MLLT6: variants seen among roughly 807,000 people sequenced by gnomAD.
MLLT6 encodes the protein protein AF-17.
In MLLT6, 22 loss-of-function variants were observed where a neutral mutation model predicts 103.0. That is an observed-to-expected ratio of 0.21 (90% CI 0.15 to 0.31). MLLT6 has a LOEUF of 0.31. Ranked by LOEUF, MLLT6 falls within the 10% of genes least tolerant of loss-of-function variation. MLLT6 has a pLI of 1.00. For synonymous variants in MLLT6, 606 were observed against 623.5 expected (o/e 0.97, Z 0.42); for missense variants, 1,199 against 1,441.7 (o/e 0.83, Z 2.73).
chr17:38,722,832 G>A (rs1905837522), intron 18 of MLLT6, 64 bp downstream of exon 18: 1 of 1,243,016 alleles, frequency 8.0e-7, no homozygotes, highest in African/African-American at 1.5e-5. Flanking sequence ...ACATCTCAGA[G>A]GATCAGGGCC....
At position 38,716,292 on chromosome 17, in the gene MLLT6, C is replaced by CTA; in HGVS notation, c.1037-75_1037-74insTA. The CTA allele has an allele frequency of 6.8e-7, 1 of 1,476,590 alleles. No individual in the cohort carries two copies. The highest frequency in any genetic ancestry group is 9.2e-7 in the Non-Finnish European group (1 of 1,082,718). 91.5% of individuals were successfully genotyped at this position (1,476,590 alleles called of 1,614,324 possible). On this transcript the variant is annotated intron_variant, in intron 9 of 19. Coordinates refer to ENST00000621332, the MANE Select transcript of MLLT6 (RefSeq NM_005937.4). The surrounding 1 kb of genome is among the most constrained non-coding windows in gnomAD (Gnocchi z 5.6). ...CCATTCGTGGACCAGAGCTCTCTCCCGCCAGTACACGCGGGAGTGGGAGGG... is the reference window on the plus strand; with the variant it reads ...CCATTCGTGGACCAGAGCTCTCTCCCTAGCCAGTACACGCGGGAGTGGGAGGG...
rs976571314 is a variant in MLLT6, at chr17:38,719,765, C to T, written c.2025C>T (p.Ser675=). Reference sequence around the variant, plus strand: ...CTGGCCGCAGGTCCCCCATCAGCAGCCTCCCCGCACTCTTCGACCAGACAG... The same window carrying T: ...CTGGCCGCAGGTCCCCCATCAGCAGTCTCCCCGCACTCTTCGACCAGACAG... ...ESLSSMSPIS[S]LPALFDQTAS... Residue 675 remains serine (S), a synonymous_variant, in exon 14 of 20, where the codon AGC becomes AGT. Transcript: ENST00000621332. The T allele has an allele frequency of 1.2e-6, 2 of 1,610,208 alleles. No individual in the cohort carries two copies. The highest frequency in any genetic ancestry group is 1.7e-6 in the Non-Finnish European group (2 of 1,177,658).
intron 19 of MLLT6, 44 bp downstream of exon 19, chr17:38,725,020 T>A: frequency 7.8e-7 from 1 of 1,285,548 alleles, no homozygotes; most frequent in Non-Finnish European, 1.1e-6. Context: ...CTCTGAGGGA[T>A]GGGTAGAGAT....
intron 11 of MLLT6, 97 bp from the exon 12 acceptor site, chr17:38,717,748 C>A: frequency 7.3e-7 from 1 of 1,367,906 alleles, no homozygotes; most frequent in Non-Finnish European, 1.0e-6. Context: ...CTGGACCCCT[C>A]TGCTCCCCAG....
At chr17:38,725,321 T>G in intron 19 of MLLT6, 2 of 554,514 alleles carry the variant, frequency 3.6e-6, no homozygotes, top group Non-Finnish European at 6.4e-6. Context: ...CTCCCTCTCC[T>G]GAGGGCACAC....
rs1184830399 is a variant in MLLT6, at chr17:38,728,090, A to C, written c.*2492A>C. On this transcript the variant is annotated 3_prime_UTR_variant, in exon 20 of 20. Transcript: ENST00000621332. ...TCTCCAACTTTCCCAAGCCGCTTGC[A>C]TTCCCCAGACTGGACTACTGTGGCG... 1 of 233,194 alleles carries C rather than the reference A, an allele frequency of 4.3e-6. No homozygotes were observed. Among genetic ancestry groups the C allele is most frequent in the East Asian group, 6.0e-5 (1 of 16,600 alleles). The allele number at this position is 233,194 out of a possible 1,614,324, so 14.4% of individuals were successfully genotyped here. A position where few individuals can be genotyped will look rare whatever the true frequency, so the allele number is the denominator to read the frequency against.
chr17:38,711,717 A>C, intron 6 of MLLT6, 130 bp from the exon 7 acceptor site: 1 of 1,121,134 alleles, frequency 8.9e-7, no homozygotes, highest in Non-Finnish European at 1.2e-6. Flanking sequence ...CATAGAGGAC[A>C]TGAGGTCCTC....
chr17:38,723,929 G>A (rs577600516), intron 18 of MLLT6, among the ~76,000 whole-genome samples: 56 of 151,774 alleles, frequency 3.7e-4, no homozygotes, highest in South Asian at 8.3e-4. Flanking sequence ...CTTTAGTAGA[G>A]ATGGGGTTTC....
chr17:38,708,148 G>C, intron 4 of MLLT6: 1 of 491,758 alleles, frequency 2.0e-6, no homozygotes, highest in Non-Finnish European at 3.7e-6. Flanking sequence ...ATTTTATTAA[G>C]TGCCTACTAT....
chr17:38,705,449 A>AGGAGGAGGAGGAGGAGGACGC lies in MLLT6; in HGVS notation c.-171_-151dup. Reference sequence around the variant, plus strand: ...GGGGGGCGGCCAGACAGAGCGAGCGAGGAGGAGGAGGAGGAGGACGCGGAG... The same window carrying AGGAGGAGGAGGAGGAGGACGC: ...GGGGGGCGGCCAGACAGAGCGAGCGAGGAGGAGGAGGAGGAGGACGCGGAGGAGGAGGAGGAGGACGCGGAG... On this transcript the variant is annotated 5_prime_UTR_variant, in exon 1 of 20. Coordinates refer to ENST00000621332, the MANE Select transcript of MLLT6 (RefSeq NM_005937.4). The AGGAGGAGGAGGAGGAGGACGC allele has an allele frequency of 4.1e-6, 1 of 241,152 alleles. No homozygotes were observed. Among genetic ancestry groups the AGGAGGAGGAGGAGGAGGACGC allele is most frequent in the Non-Finnish European group, 8.1e-6 (1 of 124,174 alleles). 14.9% of individuals were successfully genotyped at this position (241,152 alleles called of 1,614,324 possible).
intron 17 of MLLT6, 30 bp from the exon 18 acceptor site, chr17:38,722,648 T>TGCCCCCCCC: frequency 6.8e-6 from 3 of 441,540 alleles, no homozygotes; most frequent in Non-Finnish European, 1.2e-5. Flanking sequence ...CTGTGTGTTG[T>TGCCCCCCCC]CCCCCCCCCA....
chr17:38,726,177 G>T lies in MLLT6; in HGVS notation c.*579G>T. ...CCACAGATGTTGGGGGCTGGAGAAG[G>T]GGCAGGAGAGCATCACACTCAGCCC... On this transcript the variant is annotated 3_prime_UTR_variant, in exon 20 of 20. Transcript: ENST00000621332. 1 of 234,058 alleles carries T rather than the reference G, an allele frequency of 4.3e-6. No homozygotes were observed. The highest frequency in any genetic ancestry group is 6.0e-5 in the East Asian group (1 of 16,592). The allele number at this position is 234,058 out of a possible 1,614,324, so 14.5% of individuals were successfully genotyped here.
In MLLT6 at chr17:38,709,698, C is replaced by T. The variant is rs1052410356; in HGVS notation, c.552+123C>T. On this transcript the variant is annotated intron_variant, in intron 6 of 19. Transcript: ENST00000621332. This position sits in a 1 kb window ranked among gnomAD's most constrained non-coding sequence, Gnocchi z 4.3. ...GGACAGAGAGGGAAAAAACCCAGTC[C>T]CTGCCCAAGAGGAGCTCTTCATTCG... 1 of 722,874 alleles carries T rather than the reference C, an allele frequency of 1.4e-6. No individual in the cohort carries two copies. The highest frequency in any genetic ancestry group is 2.7e-5 in the East Asian group (1 of 37,370). The allele number at this position is 722,874 out of a possible 1,614,324, so 44.8% of individuals were successfully genotyped here. A position where few individuals can be genotyped will look rare whatever the true frequency, so the allele number is the denominator to read the frequency against.
intron 7 of MLLT6, among the ~76,000 whole-genome samples, chr17:38,712,404 G>A (rs990196521): frequency 6.6e-6 from 1 of 152,222 alleles, no homozygotes; most frequent in Admixed American, 6.5e-5. Flanking sequence ...TGTCCCAGGT[G>A]GACACCCTTG....
At chr17:38,712,658 C>A in intron 7 of MLLT6, 33 bp from the exon 8 acceptor site, 1 of 1,443,020 alleles carries the variant, frequency 6.9e-7, no homozygotes, top group Non-Finnish European at 9.8e-7. Context: ...GACAGCCCCC[C>A]AGCACAATAT....
chr17:38,720,364 C>T lies in MLLT6; in HGVS notation c.2156-8C>T, dbSNP rs767345307. ...GCCCCTCCCTCAGGTTCCTCGCTCT[C>T]TCCGCAGTCGTGGAGATGCTGAAGG... On this transcript the variant is annotated splice_polypyrimidine_tract_variant and splice_region_variant and intron_variant, in intron 14 of 19. Transcript: ENST00000621332. 1.6e-5 allele frequency: 23 copies of T among 1,423,764 alleles called. No homozygotes were observed. Among genetic ancestry groups the T allele is most frequent in the Middle Eastern group, 4.6e-4 (2 of 4,332 alleles). 88.2% of individuals were successfully genotyped at this position (1,423,764 alleles called of 1,614,324 possible).
At chr17:38,723,279 C>T (rs1905857533) in intron 18 of MLLT6, among the ~76,000 whole-genome samples, 1 of 152,170 alleles carries the variant, frequency 6.6e-6, no homozygotes, top group African/African-American at 2.4e-5. Flanking sequence ...GCAGGCAGAT[C>T]GCTTGAGCTC....
chr17:38,708,257 G>C, intron 4 of MLLT6: 1 of 214,856 alleles, frequency 4.7e-6, no homozygotes. Context: ...TGCATGCGAA[G>C]ACTATAAATA....
rs985524276 is a variant in MLLT6, at chr17:38,716,069, A to G, written c.1036+241A>G. ...CTCATAACAGTATTCCTTATCCCCTACATTTGTGCTGCAAGGTACAATTTT... is the reference window on the plus strand; with the variant it reads ...CTCATAACAGTATTCCTTATCCCCTGCATTTGTGCTGCAAGGTACAATTTT... On this transcript the variant is annotated intron_variant, in intron 9 of 19. Coordinates refer to ENST00000621332, the MANE Select transcript of MLLT6 (RefSeq NM_005937.4). The surrounding 1 kb of genome is among the most constrained non-coding windows in gnomAD (Gnocchi z 5.6). 5.0e-6 allele frequency: 3 copies of G among 601,186 alleles called. No homozygotes were observed. The highest frequency in any genetic ancestry group is 8.8e-6 in the Non-Finnish European group (3 of 341,842). The allele number at this position is 601,186 out of a possible 1,614,324, so 37.2% of individuals were successfully genotyped here.
Sources: gnomAD v4.1 joint callset for allele counts (sites outside exome capture counted in the v4.1 genomes callset) on GRCh38, gnomAD v4.1.1 for gene constraint, Gnocchi (gnomAD v3.1) non-coding constraint, MANE v1.5 for transcripts, NCBI Gene and HGNC (gene_info 2026-07-23, HGNC 2026-07-21) for gene names.